Variants in RSF1 observed in about 807,000 individuals in gnomAD.
RSF1 encodes the protein HBV pX-associated protein 8.
RSF1 carries 13 observed loss-of-function variants against 145.2 expected under a neutral mutation model. The ratio of observed to expected loss-of-function variants is 0.09; its 90% CI spans 0.06 to 0.14. RSF1 has a LOEUF of 0.14. RSF1 is among the 10% of genes least tolerant of loss of function. The probability of loss-of-function intolerance (pLI) is 1.00; values close to 1 mark genes in which losing one functional copy is unlikely to be tolerated. For missense variants in RSF1, 1,517 were observed against 1,718.2 expected (o/e 0.88, Z 2.07); for synonymous variants, 577 against 592.6 (o/e 0.97, Z 0.38).
chr11:77,813,038 T>C, intron 1 of RSF1, among the ~76,000 whole-genome samples: 1 of 152,042 alleles, frequency 6.6e-6, no homozygotes, highest in South Asian at 2.1e-4. Context: ...TCTAAACTGG[T>C]AAGATTAAAT....
chr11:77,747,062 C>T lies in RSF1; in HGVS notation c.346G>A (p.Val116Ile), dbSNP rs764673941. ...TTTAAGAGTGCTAGTTTGCATTCAA[C>T]ACTCATTTCAAGATAGCCCTTCTTC... ...MEKKGYLEMS[V>I]ECKLALLKYL... The change falls in exon 3 of 16, where the codon GTT becomes ATT. Residue 116 changes from valine (V) to isoleucine (I), a missense_variant. Around this residue, in one of 12 missense-constraint regions of RSF1, gnomAD observed 94 missense variants for 143.6 expected, o/e 0.65. Coordinates refer to ENST00000308488, the MANE Select transcript of RSF1 (RefSeq NM_016578.4). 8 of 1,607,262 alleles carry T rather than the reference C, an allele frequency of 5.0e-6. No homozygotes were observed. The Admixed American group carries it at 1.2e-4, about 23-fold the overall frequency.
chr11:77,850,861 T>G, the RSF1 span: 4 of 152,074 alleles, frequency 2.6e-5, no homozygotes, highest in African/African-American at 4.8e-5. Context: ...ATACGACATT[T>G]CAGTATTTCT....
intron 15 of RSF1, among the ~76,000 whole-genome samples, chr11:77,670,427 G>A (rs67035387): frequency 0.18 from 27,348 of 152,020 alleles, 3,111 homozygotes; most frequent in African/African-American, 0.31. Flanking sequence ...TATATTATCT[G>A]AAATTCAACT....
rs947497059 is a variant in RSF1 at position 77,663,130 on chromosome 11, T to C, written c.*3787A>G. ...TAACGGGCCTGTTCCACTGTACTGG[T>C]AAAGAGCGGAGTTCCTAGCTTTTTC... On this transcript the variant is annotated 3_prime_UTR_variant, in exon 16 of 16. Transcript: ENST00000308488. 1 of 152,196 alleles carries C rather than the reference T, an allele frequency of 6.6e-6. No homozygotes were observed. The highest frequency in any genetic ancestry group is 1.5e-5 in the Non-Finnish European group (1 of 68,032). 9.4% of individuals were successfully genotyped at this position (152,196 alleles called of 1,614,324 possible).
chr11:77,815,940 A>G (rs1380676904), intron 1 of RSF1, among the ~76,000 whole-genome samples: 1 of 152,216 alleles, frequency 6.6e-6, no homozygotes, highest in Non-Finnish European at 1.5e-5. Flanking sequence ...AAAGTAAGCC[A>G]GTTTGCATTA....
intron 1 of RSF1, among the ~76,000 whole-genome samples, chr11:77,812,249 T>C (rs1157760651): frequency 6.6e-6 from 1 of 152,166 alleles, no homozygotes; most frequent in East Asian, 1.9e-4. Flanking sequence ...AGAAATCTAG[T>C]TTTAAATAGT....
At chr11:77,738,333 C>T (rs1961418362) in intron 4 of RSF1, among the ~76,000 whole-genome samples, 1 of 152,062 alleles carries the variant, frequency 6.6e-6, no homozygotes, top group South Asian at 2.1e-4. Flanking sequence ...CCCATATCCA[C>T]AGATCAAAAT....
chr11:77,861,738 G>A, the RSF1 span, among the ~76,000 whole-genome samples: 2 of 152,176 alleles, frequency 1.3e-5, no homozygotes, highest in African/African-American at 4.8e-5. Context: ...GCCTTTCCGT[G>A]TTCCAGAGCC....
At chr11:77,790,888 T>C (rs1044691016) in intron 1 of RSF1, among the ~76,000 whole-genome samples, 1 of 152,198 alleles carries the variant, frequency 6.6e-6, no homozygotes, top group Non-Finnish European at 1.5e-5. Context: ...TCCTCCCTCC[T>C]GGCTGCTTTC....
At chr11:77,799,441 C>A (rs945094254) in intron 1 of RSF1, among the ~76,000 whole-genome samples, 1 of 148,868 alleles carries the variant, frequency 6.7e-6, no homozygotes, top group Non-Finnish European at 1.5e-5. Context: ...GAGGTCGAGG[C>A]TGCAGTGAGC....
At chr11:77,706,546 G>A (rs1286392695) in intron 5 of RSF1, among the ~76,000 whole-genome samples, 1 of 151,948 alleles carries the variant, frequency 6.6e-6, no homozygotes, top group Admixed American at 6.6e-5. Flanking sequence ...AGAAACTTCA[G>A]CCACATCGGA....
chr11:77,771,902 C>T (rs1296345600), intron 1 of RSF1, among the ~76,000 whole-genome samples: 2 of 152,118 alleles, frequency 1.3e-5, no homozygotes, highest in Non-Finnish European at 2.9e-5. Flanking sequence ...GGCTGTGGTG[C>T]AGAGATGTAG....
intron 5 of RSF1, among the ~76,000 whole-genome samples, chr11:77,712,454 A>AT (rs1960710254): frequency 6.6e-6 from 1 of 152,222 alleles, no homozygotes; most frequent in Admixed American, 6.5e-5. Context: ...GAACAGACTA[A>AT]TACAACACCT....
At chr11:77,820,963 C>G, upstream of RSF1, 2 of 545,642 alleles carry the variant, frequency 3.7e-6, no homozygotes, top group Admixed American at 7.2e-5. Context: ...CCGCCCCCTT[C>G]TCTCCTCCCC....
chr11:77,771,815 A>C (rs1948288427), intron 1 of RSF1, among the ~76,000 whole-genome samples: 1 of 152,202 alleles, frequency 6.6e-6, no homozygotes, highest in Non-Finnish European at 1.5e-5. Flanking sequence ...GTGAGGAACA[A>C]ATTGGAGAGG....
chr11:77,707,916 G>A (rs1237471358), intron 5 of RSF1, among the ~76,000 whole-genome samples: 5 of 152,066 alleles, frequency 3.3e-5, no homozygotes, highest in Non-Finnish European at 5.9e-5. Context: ...CTGTAACCAC[G>A]CCTAGAATAA....
chr11:77,868,921 G>C, the RSF1 span: 1 of 216,866 alleles, frequency 4.6e-6, no homozygotes, highest in Non-Finnish European at 9.4e-6. Flanking sequence ...GTGCTCAATA[G>C]GCACAATTCT....
intron 4 of RSF1, among the ~76,000 whole-genome samples, chr11:77,733,821 C>G (rs1300951619): frequency 6.6e-6 from 1 of 152,178 alleles, no homozygotes; most frequent in East Asian, 1.9e-4. Flanking sequence ...CTGGGCCTCC[C>G]AAAGTGCTGA....
At chr11:77,685,867 A>T (rs547477788) in intron 9 of RSF1, among the ~76,000 whole-genome samples, 28 of 152,344 alleles carry the variant, frequency 1.8e-4, no homozygotes, top group Non-Finnish European at 3.4e-4. Flanking sequence ...ATAAACAATT[A>T]TAAACTCATG....
Sources: gnomAD v4.1 joint callset for allele counts (sites outside exome capture counted in the v4.1 genomes callset) on GRCh38, gnomAD v4.1.1 for gene constraint, gnomAD v4.1.1 regional missense constraint, MANE v1.5 for transcripts, NCBI Gene and HGNC (gene_info 2026-07-23, HGNC 2026-07-21) for gene names.